The following SLC5A10 variants were observed in gnomAD, a reference collection of about 807,000 sequenced individuals.
SLC5A10 encodes the protein solute carrier family 5 member 10.
Under a neutral mutation model 68.9 loss-of-function variants are expected in SLC5A10, and 55 were observed. That is an observed-to-expected ratio of 0.80 (90% CI 0.64 to 1.00). SLC5A10 has a LOEUF of 1.00. Ranked by LOEUF, SLC5A10 falls within the 50% of genes least tolerant of loss-of-function variation. The pLI is 0.00. For synonymous variants in SLC5A10, 344 were observed against 344.8 expected (o/e 1.00, Z 0.02); for missense variants, 732 against 819.3 (o/e 0.89, Z 1.30).
At chr17:18,989,013 C>T (rs549520705) in intron 9 of SLC5A10, among the ~76,000 whole-genome samples, 1 of 152,206 alleles carries the variant, frequency 6.6e-6, no homozygotes, top group African/African-American at 2.4e-5. Context: ...TGGGCCCGGC[C>T]CCAGTGGGGC....
chr17:19,013,307 G>C, intron 9 of SLC5A10, 103 bp from the exon 10 acceptor site: 1 of 1,542,806 alleles, frequency 6.5e-7, no homozygotes, highest in East Asian at 2.5e-5. Context: ...CAGAGGCATT[G>C]ATGGAGCAGG....
chr17:19,012,613 G>C lies in SLC5A10; in HGVS notation c.983-797G>C, dbSNP rs1239150927. 2.6e-5 allele frequency among the ~76,000 whole-genome samples: 4 copies of C among 152,334 alleles called. No individual in the cohort carries two copies. In the East Asian group the frequency reaches 5.8e-4, roughly 22 times the overall value. On this transcript the variant is annotated intron_variant, in intron 9 of 14. Transcript: ENST00000395645. ...GGACAGACCGGAATTCGGGAAGGAG[G>C]CAGTCCTCAGGCGAGGCCTGGGGCA... is the stretch of plus-strand genomic sequence containing the variant.
At chr17:18,959,463 C>A in intron 3 of SLC5A10, 141 bp from the exon 4 acceptor site, 2 of 993,336 alleles carry the variant, frequency 2.0e-6, no homozygotes, top group African/African-American at 1.6e-5. Context: ...GGGAAGGAGC[C>A]ACCCAGGATC....
intron 9 of SLC5A10, among the ~76,000 whole-genome samples, chr17:19,011,871 G>C (rs543820020): frequency 4.7e-4 from 71 of 151,672 alleles, no homozygotes; most frequent in African/African-American, 1.7e-3. Context: ...TGTGAGACCC[G>C]CCCTTCCCCA....
chr17:18,952,881 G>A (rs953266046), intron 1 of SLC5A10, among the ~76,000 whole-genome samples: 7 of 152,138 alleles, frequency 4.6e-5, no homozygotes, highest in African/African-American at 1.2e-4. Flanking sequence ...CAGGGGCAGC[G>A]GGGCCCCTGG....
chr17:18,991,746 GGAATCT>G (rs1223951230), intron 9 of SLC5A10, among the ~76,000 whole-genome samples: 3 of 152,184 alleles, frequency 2.0e-5, no homozygotes, highest in Non-Finnish European at 2.9e-5. Context: ...CCAGCAGCCT[GGAATCT>G]GCGCAGGCCA....
At chr17:18,999,347 G>C (rs1302288430) in intron 9 of SLC5A10, among the ~76,000 whole-genome samples, 1 of 152,170 alleles carries the variant, frequency 6.6e-6, no homozygotes, top group East Asian at 1.9e-4. Context: ...TGAGGCTCTG[G>C]TGCTCCCATG....
At chr17:19,005,937 G>A (rs1489604908) in intron 9 of SLC5A10, among the ~76,000 whole-genome samples, 1 of 152,210 alleles carries the variant, frequency 6.6e-6, no homozygotes, top group Non-Finnish European at 1.5e-5. Context: ...TGAGGGTCCT[G>A]AAGACCCATT....
At position 19,000,550 on chromosome 17, in the gene SLC5A10, G is replaced by T. The variant is rs1321174427; in HGVS notation, c.983-12860G>T. Among the ~76,000 whole-genome samples the T allele has an allele frequency of 2.0e-5, 3 of 152,170 alleles. No individual in the cohort carries two copies. The highest frequency in any genetic ancestry group is 4.4e-5 in the Non-Finnish European group (3 of 68,026). ...GAACACAGCCGCTCCCCTAAGTGCT[G>T]CGTCACTTCCCTGCCCCAGGGTCTG... On this transcript the variant is annotated intron_variant, in intron 9 of 14. Coordinates refer to ENST00000395645, the MANE Select transcript of SLC5A10 (RefSeq NM_001042450.4). The surrounding 1 kb of genome is among the most constrained non-coding windows in gnomAD (Gnocchi z 5.2).
intron 7 of SLC5A10, 98 bp downstream of exon 7, chr17:18,969,520 G>A: frequency 1.7e-6 from 2 of 1,179,960 alleles, no homozygotes; most frequent in Middle Eastern, 2.5e-4. Context: ...TGCCGTTGGG[G>A]TTCTGGGTAG....
intron 9 of SLC5A10, among the ~76,000 whole-genome samples, chr17:18,997,824 G>C (rs1338903648): frequency 6.6e-6 from 1 of 152,234 alleles, no homozygotes; most frequent in African/African-American, 2.4e-5. Flanking sequence ...GGCGAGGGGA[G>C]AGATCTGGCA....
chr17:18,969,394 G>A lies in SLC5A10; in HGVS notation c.612G>A (p.Val204=), dbSNP rs1359174829. The A allele has an allele frequency of 6.2e-7, 1 of 1,613,842 alleles. No individual in the cohort carries two copies. The change falls in exon 7 of 15, where the codon GTG becomes GTA. Residue 204 remains valine (V), a synonymous_variant. Transcript: ENST00000395645. The stretch of plus-strand genomic sequence containing the variant: ...ACGCCCTGCAGACGCTCATCATGGT[G>A]GTGGGGGCTGTCATCCTGACAATCA... ...YTDALQTLIM[V]VGAVILTIKA...
In SLC5A10 at chr17:18,980,190, C is replaced by T. The variant is rs143084400; in HGVS notation, c.982+3201C>T. 8.5e-5 allele frequency among the ~76,000 whole-genome samples: 13 copies of T among 152,276 alleles called. No homozygotes were observed. In the East Asian group the frequency reaches 2.3e-3, roughly 27 times the overall value. On this transcript the variant is annotated intron_variant, in intron 9 of 14. Transcript: ENST00000395645. ...GCCCTCCAGGGTGCGTGGCCCTACC[C>T]GGCCTCTCCCCTGTGCTTCTCAACA... is the stretch of plus-strand genomic sequence containing the variant.
rs1555571776 is a variant in SLC5A10, at chr17:18,969,035, G to A, written c.454-17G>A. On this transcript the variant is annotated splice_polypyrimidine_tract_variant and intron_variant, in intron 5 of 14. Transcript: ENST00000395645. ...CCTGGGAATAACAGTCCCACACAAG[G>A]CTCTCTCCCTCCGCAGCTGGACCTG... 24 of 1,607,002 alleles carry A rather than the reference G, an allele frequency of 1.5e-5. No homozygotes were observed. Among genetic ancestry groups the A allele is most frequent in the Non-Finnish European group, 2.0e-5 (24 of 1,176,746 alleles).
upstream of SLC5A10, chr17:18,951,912 G>A (rs2042374546): frequency 2.5e-5 from 10 of 396,406 alleles, no homozygotes; most frequent in South Asian, 1.4e-4. Context: ...CACTAAATGC[G>A]GTTCATTTTC....
Position 18,971,427 on chromosome 17 carries a change from C to T in SLC5A10, c.846+209C>T, listed in dbSNP as rs200106667. 57 of 1,613,824 alleles carry T rather than the reference C, an allele frequency of 3.5e-5. No individual in the cohort carries two copies. The highest frequency in any genetic ancestry group is 4.5e-5 in the Non-Finnish European group (53 of 1,180,022). ...GAATCCGATGAGGCCCACTGGCTACCGCCCGTCCTGGCCTTTAGGTGCTTC... is the reference window on the plus strand; with the variant it reads ...GAATCCGATGAGGCCCACTGGCTACTGCCCGTCCTGGCCTTTAGGTGCTTC... On this transcript the variant is annotated intron_variant, in intron 8 of 14. Coordinates refer to ENST00000395645, the MANE Select transcript of SLC5A10 (RefSeq NM_001042450.4). This position sits in a 1 kb window ranked among gnomAD's most constrained non-coding sequence, Gnocchi z 5.5.
chr17:19,015,329 G>A, intron 11 of SLC5A10, 130 bp downstream of exon 11: 1 of 652,428 alleles, frequency 1.5e-6, no homozygotes. Flanking sequence ...GAAGAGAAGG[G>A]CCAGTGTACC....
Position 19,003,737 on chromosome 17 carries a change from C to T in SLC5A10, c.983-9673C>T. On this transcript the variant is annotated intron_variant, in intron 9 of 14. Coordinates refer to ENST00000395645, the MANE Select transcript of SLC5A10 (RefSeq NM_001042450.4). This position sits in a 1 kb window ranked among gnomAD's most constrained non-coding sequence, Gnocchi z 4.5. The stretch of plus-strand genomic sequence containing the variant: ...CTCGATGGGGACCCCATCCGCCCCG[C>T]TGGCTTCCTCGCCGTCGCCGACCCC... 6.2e-7 allele frequency: 1 copy of T among 1,605,152 alleles called. No homozygotes were observed.
intron 9 of SLC5A10, among the ~76,000 whole-genome samples, chr17:19,008,249 T>C (rs1181288974): frequency 2.0e-5 from 3 of 152,182 alleles, no homozygotes; most frequent in Non-Finnish European, 4.4e-5. Flanking sequence ...CTTAACTCTA[T>C]TTTAGTTTTG....
Sources: allele counts gnomAD v4.1 joint callset (sites outside exome capture counted in the v4.1 genomes callset), GRCh38; gene constraint gnomAD v4.1.1; non-coding constraint Gnocchi (gnomAD v3.1); transcripts MANE v1.5; gene names NCBI Gene and HGNC (gene_info 2026-07-23, HGNC 2026-07-21).